The following STARD13 variants were observed in gnomAD, a reference collection of about 807,000 sequenced individuals.
STARD13 encodes stAR-related lipid transfer protein 13.
Under a neutral mutation model 106.4 loss-of-function variants are expected in STARD13, and 62 were observed. The observed-to-expected ratio is 0.58, with a 90% CI of 0.48 to 0.72. The LOEUF is 0.72. Among genes scored for constraint, STARD13 ranks in the 30% least tolerant of loss-of-function variants. STARD13 has a pLI of 0.00. For missense variants in STARD13, 1,387 were observed against 1,424.0 expected (o/e 0.97, Z 0.42); for synonymous variants, 565 against 553.0 (o/e 1.02, Z -0.31).
Position 33,126,173 on chromosome 13 carries a change from G to C in STARD13, c.1990C>G (p.Pro664Ala). ...GTTCTTTGGACGTGGACTATGAGAG[G>C]AACGCCAAAGACAGCCTTGTCTTTG... Reference protein sequence around the residue: ...DYKDKAVFGVPLIVHVQRTGQ... With the variant: ...DYKDKAVFGVALIVHVQRTGQ... Residue 664 changes from proline to alanine, a missense_variant, in exon 7 of 14, where the codon CCT becomes GCT. Physicochemically the swap from Pro to Ala is conservative, Grantham distance 27 (BLOSUM62 -1). Coordinates refer to ENST00000336934, the MANE Select transcript of STARD13 (RefSeq NM_178006.4). 4 of 1,614,154 alleles carry C rather than the reference G, an allele frequency of 2.5e-6. No homozygotes were observed. The highest frequency in any genetic ancestry group is 3.4e-6 in the Non-Finnish European group (4 of 1,180,014).
At chr13:33,443,333 T>A in the STARD13 span, among the ~76,000 whole-genome samples, 2 of 148,898 alleles carry the variant, frequency 1.3e-5, no homozygotes, top group Non-Finnish European at 3.0e-5. Flanking sequence ...GCCAAGATAG[T>A]GCCACTGCAC....
the STARD13 span, among the ~76,000 whole-genome samples, chr13:33,537,128 C>G: frequency 7.2e-5 from 11 of 152,162 alleles, no homozygotes; most frequent in Non-Finnish European, 1.6e-4. Context: ...ACTTCCAGAA[C>G]AGTTCTGAGC....
the STARD13 span, among the ~76,000 whole-genome samples, chr13:33,643,159 GCACACACACACACACACACA>G: frequency 7.2e-6 from 1 of 139,712 alleles, no homozygotes; most frequent in African/African-American, 2.6e-5. Flanking sequence ...CATAGAACAT[GCACACACACACACACACACA>G]CACACACACA....
upstream of STARD13, among the ~76,000 whole-genome samples, chr13:33,353,579 G>A (rs1035869371): frequency 6.6e-6 from 1 of 152,176 alleles, no homozygotes; most frequent in African/African-American, 2.4e-5. Context: ...TTCTGCATAT[G>A]TTTCTGCCTC....
At chr13:33,553,261 CACCT>C in the STARD13 span, among the ~76,000 whole-genome samples, 1 of 151,956 alleles carries the variant, frequency 6.6e-6, no homozygotes, top group Admixed American at 6.6e-5. Flanking sequence ...ACAACCTAAA[CACCT>C]AGGTAGGAGA....
intron 1 of STARD13, among the ~76,000 whole-genome samples, chr13:33,325,132 T>C (rs1031921401): frequency 6.6e-6 from 1 of 152,210 alleles, no homozygotes; most frequent in Admixed American, 6.5e-5. Flanking sequence ...CACAGTTTGC[T>C]TGTTTATCAC....
At chr13:33,600,918 G>A in the STARD13 span, among the ~76,000 whole-genome samples, 3,115 of 152,152 alleles carry the variant, frequency 0.02, 123 homozygotes, top group African/African-American at 0.07. Context: ...CTTCTCCTAC[G>A]TACTATGGTA....
chr13:33,209,346 G>A (rs1225515784), intron 1 of STARD13, among the ~76,000 whole-genome samples: 1 of 152,030 alleles, frequency 6.6e-6, no homozygotes, highest in African/African-American at 2.4e-5. Context: ...AATCAGCATT[G>A]GAAAGGAACA....
At chr13:33,413,403 A>G in the STARD13 span, among the ~76,000 whole-genome samples, 94 of 152,242 alleles carry the variant, frequency 6.2e-4, 3 homozygotes, top group South Asian at 8.3e-3. Flanking sequence ...GAAAGAAATA[A>G]TAAAGACGAG....
At chr13:33,650,242 G>A in the STARD13 span, among the ~76,000 whole-genome samples, 1 of 120,992 alleles carries the variant, frequency 8.3e-6, no homozygotes, top group African/African-American at 3.5e-5. Context: ...CCAGCCTGGA[G>A]TGCAGTGGCG....
intron 1 of STARD13, among the ~76,000 whole-genome samples, chr13:33,325,868 C>G (rs531060917): frequency 6.6e-6 from 1 of 151,848 alleles, no homozygotes; most frequent in Non-Finnish European, 1.5e-5. Flanking sequence ...GCCTGTAGTC[C>G]CAGCTACTTG....
chr13:33,196,356 G>C (rs951773646), intron 1 of STARD13, among the ~76,000 whole-genome samples: 2 of 152,254 alleles, frequency 1.3e-5, no homozygotes, highest in Middle Eastern at 3.4e-3. Flanking sequence ...CTCCAGCCTG[G>C]ACAATGAAGC....
chr13:33,629,866 G>A, the STARD13 span, among the ~76,000 whole-genome samples: 1 of 152,004 alleles, frequency 6.6e-6, no homozygotes, highest in South Asian at 2.1e-4. Context: ...GGTTGTAAAT[G>A]TTTAATTTAC....
intron 1 of STARD13, among the ~76,000 whole-genome samples, chr13:33,316,693 T>C (rs565422716): frequency 2.9e-4 from 44 of 152,194 alleles, no homozygotes; most frequent in Non-Finnish European, 5.1e-4. Context: ...TCTCCAATTA[T>C]ATGCTTTAAT....
At chr13:33,405,378 G>T in the STARD13 span, among the ~76,000 whole-genome samples, 2 of 152,354 alleles carry the variant, frequency 1.3e-5, no homozygotes, top group South Asian at 4.1e-4. Context: ...CCCCTCACTT[G>T]TGGGTGCTCA....
At chr13:33,624,123 G>A in the STARD13 span, among the ~76,000 whole-genome samples, 7 of 152,220 alleles carry the variant, frequency 4.6e-5, no homozygotes, top group East Asian at 7.7e-4. Flanking sequence ...GAGTATGTAC[G>A]CCTACAAAAA....
intron 1 of STARD13, among the ~76,000 whole-genome samples, chr13:33,186,681 C>T (rs10492404): frequency 6.6e-6 from 1 of 151,978 alleles, no homozygotes; most frequent in Non-Finnish European, 1.5e-5. Context: ...CATTAATTAT[C>T]CACTTCATTA....
intron 9 of STARD13, 119 bp from the exon 10 acceptor site, chr13:33,112,011 C>A: frequency 3.3e-6 from 2 of 610,280 alleles, no homozygotes; most frequent in Non-Finnish European, 6.0e-6. Flanking sequence ...CAGGCTTTTG[C>A]GTTTCCAAAT....
the STARD13 span, among the ~76,000 whole-genome samples, chr13:33,429,807 A>G: frequency 6.6e-6 from 1 of 152,124 alleles, no homozygotes; most frequent in Non-Finnish European, 1.5e-5. Context: ...AATGAGGATT[A>G]ATGGATACAA....
Sources: allele counts gnomAD v4.1 joint callset (sites outside exome capture counted in the v4.1 genomes callset), GRCh38; gene constraint gnomAD v4.1.1; transcripts MANE v1.5; gene names NCBI Gene and HGNC (gene_info 2026-07-23, HGNC 2026-07-21).